The following DGUOK variants were observed in gnomAD, a reference collection of about 807,000 sequenced individuals.
The protein encoded by DGUOK is deoxyguanosine kinase.
In DGUOK, 30 loss-of-function variants were observed where a neutral mutation model predicts 36.6. That is an observed-to-expected ratio of 0.82 (90% CI 0.61 to 1.11). The LOEUF is 1.11. Among genes scored for constraint, DGUOK ranks in the 50% most tolerant of loss-of-function variants. The probability of loss-of-function intolerance (pLI) is 0.00; values close to 1 mark genes in which losing one functional copy is unlikely to be tolerated. For missense variants in DGUOK, 361 were observed against 336.4 expected, an observed-to-expected ratio of 1.07 and a Z score of -0.57; for synonymous variants, 145 against 126.3, an observed-to-expected ratio of 1.15 and a Z score of -0.99.
At position 73,929,829 on chromosome 2, in the gene DGUOK, G is replaced by C. The variant is rs535846018; in HGVS notation, c.142+2777G>C. 2.5e-4 allele frequency among the ~76,000 whole-genome samples: 38 copies of C among 152,310 alleles called. 1 individual carries two copies. Among genetic ancestry groups the C allele is most frequent in the Admixed American group, 1.4e-3 (22 of 15,302 alleles). On this transcript the variant is annotated intron_variant, in intron 1 of 6. Coordinates refer to ENST00000264093, the MANE Select transcript of DGUOK (RefSeq NM_080916.3). ...AGGTTCAAGGAGAATGGGAGGTGAG[G>C]AGAGTGGGTTAAGATAACTGGAAGT...
intron 1 of DGUOK, among the ~76,000 whole-genome samples, chr2:73,932,985 G>C (rs895618509): frequency 3.3e-5 from 5 of 152,112 alleles, no homozygotes; most frequent in Admixed American, 3.3e-4. Flanking sequence ...AGAAAAGATT[G>C]CTGTATGAAA....
chr2:73,934,192 A>G (rs1419502712), intron 1 of DGUOK, among the ~76,000 whole-genome samples: 2 of 152,246 alleles, frequency 1.3e-5, no homozygotes, highest in Non-Finnish European at 1.5e-5. Flanking sequence ...GTCAGTTTAT[A>G]GAAAATTTTG....
intron 1 of DGUOK, among the ~76,000 whole-genome samples, chr2:73,930,660 C>G (rs1410724104): frequency 2.6e-5 from 4 of 152,120 alleles, no homozygotes; most frequent in African/African-American, 9.7e-5. Flanking sequence ...CAGAGGCTTA[C>G]TGAGTGAGGA....
chr2:73,932,539 C>A, intron 1 of DGUOK: 2 of 1,053,444 alleles, frequency 1.9e-6, no homozygotes, highest in Non-Finnish European at 2.6e-6. Flanking sequence ...TTGGTACCCA[C>A]ACAGGGAATG....
At chr2:73,931,717 A>AGT (rs1681054053) in intron 1 of DGUOK, among the ~76,000 whole-genome samples, 1 of 152,254 alleles carries the variant, frequency 6.6e-6, no homozygotes. Flanking sequence ...TGTTTGCTGC[A>AGT]GTACCCATAG....
At chr2:73,956,732 A>G (rs761916658) in intron 4 of DGUOK, among the ~76,000 whole-genome samples, 1 of 152,226 alleles carries the variant, frequency 6.6e-6, no homozygotes, top group African/African-American at 2.4e-5. Context: ...TAATCCAGGT[A>G]AGAAGTAAAG....
intron 1 of DGUOK, among the ~76,000 whole-genome samples, chr2:73,935,721 A>C (rs1480517712): frequency 6.6e-6 from 1 of 152,148 alleles, no homozygotes; most frequent in Admixed American, 6.5e-5. Flanking sequence ...TTTCACCACC[A>C]TTTACTGTCA....
In DGUOK at chr2:73,958,691, G is replaced by C. The variant is rs1489937027; in HGVS notation, c.808-19G>C. The C allele has an allele frequency of 1.2e-6, 2 of 1,606,540 alleles. No homozygotes were observed. Among genetic ancestry groups the C allele is most frequent in the Admixed American group, 1.7e-5 (1 of 60,004 alleles). ...GTTAAAAATGTGAAATTAAACTTCT[G>C]ATTTTCTCCTTCCCACAGGTAAACA... is the stretch of plus-strand genomic sequence containing the variant. On this transcript the variant is annotated intron_variant, in intron 6 of 6. Transcript: ENST00000264093.
chr2:73,927,825 A>G (rs1258000570), intron 1 of DGUOK, among the ~76,000 whole-genome samples: 4 of 152,406 alleles, frequency 2.6e-5, no homozygotes, highest in Admixed American at 6.5e-5. Flanking sequence ...ACTTTTATCT[A>G]CCAAGTCACT....
chr2:73,933,188 A>G (rs2243800), intron 1 of DGUOK, among the ~76,000 whole-genome samples: 96,049 of 152,092 alleles, frequency 0.63, 30,903 homozygotes, highest in Non-Finnish European at 0.69. Context: ...TACTTATTTT[A>G]AGTATAAATG....
intron 3 of DGUOK, 43 bp from the exon 4 acceptor site, chr2:73,950,542 C>G: frequency 6.2e-7 from 1 of 1,609,218 alleles, no homozygotes; most frequent in South Asian, 1.1e-5. Flanking sequence ...CATTCCATTT[C>G]CCATTCTCCT....
At chr2:73,932,683 G>T in intron 1 of DGUOK, 1 of 1,283,182 alleles carries the variant, frequency 7.8e-7, no homozygotes, top group Non-Finnish European at 1.0e-6. Flanking sequence ...ACCAAAATTG[G>T]GTATGTTTAG....
chr2:73,930,782 CT>C lies in DGUOK; in HGVS notation c.142+3741del, dbSNP rs1020072202. On this transcript the variant is annotated intron_variant, in intron 1 of 6. Coordinates refer to ENST00000264093, the MANE Select transcript of DGUOK (RefSeq NM_080916.3). ...GAGAAAACAGATTCGACATAATTTT[CT>C]TTTTTTTTTTCTTTTTTTTTTTTTT... Among the ~76,000 whole-genome samples, 315 of 95,476 alleles carry C rather than the reference CT, an allele frequency of 3.3e-3. 1 individual carries two copies. Among genetic ancestry groups the C allele is most frequent in the African/African-American group, 0.011 (297 of 26,780 alleles). The allele number at this position is 95,476 out of a possible 152,430, so 62.6% of individuals were successfully genotyped here.
intron 1 of DGUOK, 130 bp downstream of exon 1, chr2:73,927,182 C>G (rs1255257842): frequency 1.2e-5 from 15 of 1,282,728 alleles, no homozygotes; most frequent in Non-Finnish European, 1.6e-5. Flanking sequence ...GCGAGGAGAG[C>G]CTTTCCCCTC....
chr2:73,936,553 G>A (rs1165755273), intron 1 of DGUOK, among the ~76,000 whole-genome samples: 4 of 152,098 alleles, frequency 2.6e-5, no homozygotes, highest in Admixed American at 1.3e-4. Flanking sequence ...TAAATGTGTG[G>A]GTTCTTATGC....
chr2:73,948,666 T>C (rs147656704), intron 3 of DGUOK, among the ~76,000 whole-genome samples: 43 of 152,136 alleles, frequency 2.8e-4, no homozygotes, highest in African/African-American at 1.0e-3. Flanking sequence ...TCTGGGAGAG[T>C]TGATTATAGC....
intron 4 of DGUOK, among the ~76,000 whole-genome samples, chr2:73,951,909 C>G (rs1481944102): frequency 6.6e-6 from 1 of 152,226 alleles, no homozygotes; most frequent in Admixed American, 6.5e-5. Flanking sequence ...TGGCTCATGC[C>G]TACAATCCCA....
At chr2:73,956,169 A>C (rs971726708) in intron 4 of DGUOK, among the ~76,000 whole-genome samples, 3 of 152,208 alleles carry the variant, frequency 2.0e-5, no homozygotes, top group Admixed American at 1.3e-4. Flanking sequence ...AGTGTGCATC[A>C]AACTTCACTA....
chr2:73,937,377 A>G (rs1681549723), intron 1 of DGUOK, among the ~76,000 whole-genome samples: 2 of 152,220 alleles, frequency 1.3e-5, no homozygotes, highest in African/African-American at 4.8e-5. Context: ...AAGCAGTGTT[A>G]TTTCATATTC....
Sources: allele counts gnomAD v4.1 joint callset (sites outside exome capture counted in the v4.1 genomes callset), GRCh38; gene constraint gnomAD v4.1.1; transcripts MANE v1.5; gene names NCBI Gene and HGNC (gene_info 2026-07-23, HGNC 2026-07-21).